Variants in CYP4A11 observed in about 807,000 individuals in gnomAD.
CYP4A11 encodes cytochrome P450 family 4 subfamily A member 11, also known as cytochrome P450 4A11.
A neutral mutation model predicts 57.7 loss-of-function variants in CYP4A11; 52 were observed. That is an observed-to-expected ratio of 0.90 (90% confidence interval 0.72 to 1.14). The LOEUF (loss-of-function observed/expected upper bound fraction) is 1.14, where lower values mean the gene tolerates loss of function less well. Among genes scored for constraint, CYP4A11 ranks in the 50% most tolerant of loss-of-function variants. The pLI is 0.00. For missense variants in CYP4A11, 641 were observed against 642.1 expected (o/e 1.00, Z 0.02); for synonymous variants, 228 against 247.1 (o/e 0.92, Z 0.72).
chr1:46,931,771 A>G, intron 11 of CYP4A11: 1 of 727,738 alleles, frequency 1.4e-6, no homozygotes, highest in Non-Finnish European at 1.7e-6. Flanking sequence ...CCGTTTCAAA[A>G]AGTCACATAA....
At position 46,934,918 on chromosome 1, in the gene CYP4A11, G is replaced by C. The variant is rs890564677; in HGVS notation, c.790+82C>G. On this transcript the variant is annotated intron_variant, in intron 6 of 11. Coordinates refer to ENST00000310638, the MANE Select transcript of CYP4A11 (RefSeq NM_000778.4). ...GTTCTGCGTTCTGCAGGGTTACTAG[G>C]GGCCTTCTCTGGCTGAGGAGTCAGG... The C allele has an allele frequency of 5.1e-6, 8 of 1,559,574 alleles. No individual in the cohort carries two copies. In the African/African-American group the frequency reaches 6.8e-5, roughly 13 times the overall value.
In CYP4A11 at chr1:46,930,065, G is replaced by A; in HGVS notation, c.*50C>T. On this transcript the variant is annotated 3_prime_UTR_variant, in exon 12 of 12. Coordinates refer to ENST00000310638, the MANE Select transcript of CYP4A11 (RefSeq NM_000778.4). ...CAGAAAACAGGATATGGGCAGACAG[G>A]AAGGGGACAGAAGCGGGGGTCAGGA... 1 of 1,564,088 alleles carries A rather than the reference G, an allele frequency of 6.4e-7. No individual in the cohort carries two copies. The highest frequency in any genetic ancestry group is 8.7e-7 in the Non-Finnish European group (1 of 1,152,840).
rs35456301 is a variant in CYP4A11 at position 46,936,815 on chromosome 1, TTGTGTGTGTGTGTG to T, written c.383-38_383-25del. The T allele has an allele frequency of 2.3e-5, 34 of 1,450,682 alleles. No homozygotes were observed. The East Asian group carries it at 2.5e-4, about 11-fold the overall frequency. The allele number at this position is 1,450,682 out of a possible 1,614,324, so 89.9% of individuals were successfully genotyped here. On this transcript the variant is annotated intron_variant, in intron 3 of 11. Coordinates refer to ENST00000310638, the MANE Select transcript of CYP4A11 (RefSeq NM_000778.4). ...CCCTAAGAGAGACATGAATGTGTGT[TTGTGTGTGTGTGTG>T]TGTGTGTGTGTGTGTCAGGGGCTGC...
At chr1:46,937,227 G>A in intron 3 of CYP4A11, 75 bp downstream of exon 3, 2 of 1,536,448 alleles carry the variant, frequency 1.3e-6, no homozygotes, top group Non-Finnish European at 1.8e-6. Flanking sequence ...CCTCTAATCT[G>A]TTGTTCTCTG....
rs1681302835 is a variant in CYP4A11, at chr1:46,935,149, G to A, written c.641C>T (p.Ser214Phe). 1.2e-6 allele frequency: 2 copies of A among 1,613,596 alleles called. No individual in the cohort carries two copies. Among genetic ancestry groups the A allele is most frequent in the Non-Finnish European group, 1.7e-6 (2 of 1,179,730 alleles). ...ACTAATGGCCTGTATGTAGGACTGA[G>A]AATTCCTGAGGGAGAGTATGAAGAA... is the stretch of plus-strand genomic sequence containing the variant. ...HQGSIQVDRN[S>F]QSYIQAISDL... is the part of the protein sequence containing the mutation. Residue 214 changes from serine (S) to phenylalanine (F), a missense_variant, in exon 6 of 12, where the codon TCT becomes TTT. Ser to Phe is a radical substitution (Grantham distance 155, BLOSUM62 -2). Transcript: ENST00000310638.
rs886713669 is a variant in CYP4A11, at chr1:46,941,137, C to T, written c.195+102G>A. ...GGCTGGGTGTTCCTTTGAGTCCTCA[C>T]ATTTGTTACAAAACAAGGCTTTGCT... is the stretch of plus-strand genomic sequence containing the variant. On this transcript the variant is annotated intron_variant, in intron 1 of 11. Transcript: ENST00000310638. The T allele has an allele frequency of 5.3e-6, 8 of 1,500,064 alleles. No individual in the cohort carries two copies. The African/African-American group carries it at 1.1e-4, about 21-fold the overall frequency. 92.9% of individuals were successfully genotyped at this position (1,500,064 alleles called of 1,614,324 possible).
At chr1:46,937,905 G>C in intron 2 of CYP4A11, 91 bp downstream of exon 2, 1 of 1,564,960 alleles carries the variant, frequency 6.4e-7, no homozygotes, top group East Asian at 2.3e-5. Flanking sequence ...ATTGATGTTT[G>C]AACAGCCACT....
chr1:46,930,417 A>G (rs1680949230), intron 11 of CYP4A11, 107 bp from the exon 12 acceptor site: 3 of 1,277,880 alleles, frequency 2.3e-6, no homozygotes, highest in East Asian at 4.7e-5. Context: ...TCAGTGCCCA[A>G]CCTCATGTGT....
At position 46,930,140 on chromosome 1, in the gene CYP4A11, G is replaced by A. The variant is rs139114509; in HGVS notation, c.1535C>T (p.Pro512Leu). The change falls in exon 12 of 12, where the codon CCT becomes CTT. Residue 512 changes from proline to leucine, a missense_variant. Pro to Leu is a moderately conservative substitution (Grantham distance 98). Coordinates refer to ENST00000310638, the MANE Select transcript of CYP4A11 (RefSeq NM_000778.4). ...TCAAAGCTGGTCCTTGTCTTCACAA[G>A]GGTTAGGGAGCCTCCTGAGACGCAG... ...IHLRLRRLPN[P>L]CEDKDQL 6.2e-7 allele frequency: 1 copy of A among 1,613,546 alleles called. No individual in the cohort carries two copies.
rs554597572 is a variant in CYP4A11, at chr1:46,937,847, T to C, written c.337+149A>G. On this transcript the variant is annotated intron_variant, in intron 2 of 11. Coordinates refer to ENST00000310638, the MANE Select transcript of CYP4A11 (RefSeq NM_000778.4). ...GGAGTTCAGTAACTATTTTTGACTA[T>C]AGCCTGGGCATGGTGGGCTTGGTGG... 524 of 1,257,486 alleles carry C rather than the reference T, an allele frequency of 4.2e-4. 6 individuals carry two copies. In the South Asian group the frequency reaches 7.6e-3, roughly 18 times the overall value. 77.9% of individuals were successfully genotyped at this position (1,257,486 alleles called of 1,614,324 possible).
rs1449188327 is a variant in CYP4A11 at position 46,935,039 on chromosome 1, A to G, written c.751T>C (p.Trp251Arg). Residue 251 changes from tryptophan (W) to arginine (R), a missense_variant, in exon 6 of 12, where the codon TGG becomes CGG. Coordinates refer to ENST00000310638, the MANE Select transcript of CYP4A11 (RefSeq NM_000778.4). ...GCCAGCTGGCAGGCGCGGTGTGTCCAGCGGCCAGCAGAGGTCAGGCTGTAG... is the reference window on the plus strand; with the variant it reads ...GCCAGCTGGCAGGCGCGGTGTGTCCGGCGGCCAGCAGAGGTCAGGCTGTAG... The part of the protein sequence containing the change: ...TIYSLTSAGR[W>R]THRACQLAHQ... 1 of 1,614,194 alleles carries G rather than the reference A, an allele frequency of 6.2e-7. No homozygotes were observed. Among genetic ancestry groups the G allele is most frequent in the South Asian group, 1.1e-5 (1 of 91,080 alleles).
At chr1:46,937,242 C>G (rs1681465119) in intron 3 of CYP4A11, 60 bp downstream of exon 3, 6 of 1,576,380 alleles carry the variant, frequency 3.8e-6, no homozygotes, top group Non-Finnish European at 5.2e-6. Flanking sequence ...TCTCTGTGAG[C>G]CAAATAAATA....
At chr1:46,936,851 C>A in intron 3 of CYP4A11, 60 bp from the exon 4 acceptor site, 1 of 1,538,218 alleles carries the variant, frequency 6.5e-7, no homozygotes, top group Middle Eastern at 1.7e-4. Context: ...GTGTCAGGGG[C>A]TGCAAGGAGC....
rs1379508152 is a variant in CYP4A11 at position 46,934,071 on chromosome 1, A to G, written c.1097T>C (p.Leu366Pro). ...GDGASITWNH[L>P]DQMPYTTMCI... ...CATGGTGGTGTAGGGCATCTGGTCCAGGTGGTTCCTGAAACAATTCCATCC... is the reference window on the plus strand; with the variant it reads ...CATGGTGGTGTAGGGCATCTGGTCCGGGTGGTTCCTGAAACAATTCCATCC... The change falls in exon 9 of 12, where the codon CTG (leucine) becomes CCG (proline). Residue 366 changes from leucine to proline, a missense_variant. Physicochemically the swap from Leu to Pro is moderately conservative, Grantham distance 98. Transcript: ENST00000310638. 6.2e-7 allele frequency: 1 copy of G among 1,613,006 alleles called. No individual in the cohort carries two copies. The highest frequency in any genetic ancestry group is 1.7e-5 in the Admixed American group (1 of 59,826).
chr1:46,930,713 G>A (rs187242912), intron 11 of CYP4A11, among the ~76,000 whole-genome samples: 18 of 152,248 alleles, frequency 1.2e-4, no homozygotes, highest in Admixed American at 9.2e-4. Flanking sequence ...GGTGAGGGTG[G>A]GCCACACTCT....
intron 1 of CYP4A11, among the ~76,000 whole-genome samples, chr1:46,939,400 C>T (rs1026188250): frequency 4.9e-4 from 75 of 152,216 alleles, no homozygotes; most frequent in African/African-American, 1.7e-3. Flanking sequence ...AGATTAGAGG[C>T]TGTGCAGTAG....
In CYP4A11 at chr1:46,931,877, C is replaced by A. The variant is rs1681050005; in HGVS notation, c.1364+884G>T. 3 of 949,324 alleles carry A rather than the reference C, an allele frequency of 3.2e-6. No individual in the cohort carries two copies. The African/African-American group carries it at 5.3e-5, about 17-fold the overall frequency. 58.8% of individuals were successfully genotyped at this position (949,324 alleles called of 1,614,324 possible). A position where few individuals can be genotyped will look rare whatever the true frequency, so the allele number is the denominator to read the frequency against. On this transcript the variant is annotated intron_variant, in intron 11 of 11. Transcript: ENST00000310638. Reference sequence around the variant, plus strand: ...CGATTCCTGATGCCACAATGATCTCCACCGCAACCATTCTGGAGTTTTCCT... The same window carrying A: ...CGATTCCTGATGCCACAATGATCTCAACCGCAACCATTCTGGAGTTTTCCT...
chr1:46,940,870 AGT>A, intron 1 of CYP4A11: 14 of 985,322 alleles, frequency 1.4e-5, no homozygotes, highest in Non-Finnish European at 1.6e-5. Context: ...GGCCAGGCAG[AGT>A]GATGGCATTG....
At chr1:46,939,298 T>C (rs577067909) in intron 1 of CYP4A11, among the ~76,000 whole-genome samples, 6 of 152,312 alleles carry the variant, frequency 3.9e-5, no homozygotes, top group East Asian at 3.9e-4. Context: ...ACTGCACACA[T>C]ACTATGTGCC....
Sources: allele counts gnomAD v4.1 joint callset (sites outside exome capture counted in the v4.1 genomes callset), GRCh38; gene constraint gnomAD v4.1.1; transcripts MANE v1.5; gene names NCBI Gene and HGNC (gene_info 2026-07-23, HGNC 2026-07-21).